Variants in TAGAP observed in about 807,000 individuals in gnomAD.
TAGAP encodes T cell activation RhoGTPase activating protein.
In TAGAP, 16 loss-of-function variants were observed where a neutral mutation model predicts 36.0. The observed-to-expected ratio is 0.44, with a 90% confidence interval of 0.30 to 0.68. TAGAP has a LOEUF of 0.68. Ranked by LOEUF, TAGAP falls within the 30% of genes least tolerant of loss-of-function variation. The pLI is 0.09. For missense variants in TAGAP, 794 were observed against 921.5 expected (o/e 0.86, Z 1.79); for synonymous variants, 372 against 377.4 (o/e 0.99, Z 0.17).
chr6:159,039,416 G>A (rs1779669705), intron 7 of TAGAP, 107 bp from the exon 8 acceptor site: 2 of 1,177,828 alleles, frequency 1.7e-6, no homozygotes, highest in Admixed American at 4.4e-5. Context: ...TGAGGAAGGT[G>A]CATTTTCACA....
In TAGAP at chr6:159,034,611, C is replaced by T. The variant is rs1290345029; in HGVS notation, c.*1216G>A. The T allele has an allele frequency of 6.6e-6, 1 of 151,982 alleles. No individual in the cohort carries two copies. Among genetic ancestry groups the T allele is most frequent in the Non-Finnish European group, 1.5e-5 (1 of 67,998 alleles). The allele number at this position is 151,982 out of a possible 1,614,324, so 9.4% of individuals were successfully genotyped here. ...CTCTAATACAGTACAAACATTTTACCATTATGTTTGCCAATAATTAAGCAA... is the reference window on the plus strand; with the variant it reads ...CTCTAATACAGTACAAACATTTTACTATTATGTTTGCCAATAATTAAGCAA... On this transcript the variant is annotated 3_prime_UTR_variant, in exon 10 of 10. Transcript: ENST00000367066.
At chr6:159,040,097 C>T (rs1389705212) in intron 7 of TAGAP, among the ~76,000 whole-genome samples, 6 of 152,218 alleles carry the variant, frequency 3.9e-5, no homozygotes, top group African/African-American at 1.4e-4. Flanking sequence ...TAGGATGTGA[C>T]AACCATGCTG....
chr6:159,041,657 T>A lies in TAGAP; in HGVS notation c.316-142A>T. 1 of 947,344 alleles carries A rather than the reference T, an allele frequency of 1.1e-6. No homozygotes were observed. The highest frequency in any genetic ancestry group is 1.5e-6 in the Non-Finnish European group (1 of 668,268). The allele number at this position is 947,344 out of a possible 1,614,324, so 58.7% of individuals were successfully genotyped here. ...GCCTTCCTCAACCCTGCTATTTTTC[T>A]AAGAGGAGGCAAATTGTGAAAGCTC... On this transcript the variant is annotated intron_variant, in intron 5 of 9. Transcript: ENST00000367066. This position sits in a 1 kb window ranked among gnomAD's most constrained non-coding sequence, Gnocchi z 4.1.
intron 1 of TAGAP, 48 bp from the exon 2 acceptor site, chr6:159,044,252 G>A: frequency 8.7e-7 from 1 of 1,149,866 alleles, no homozygotes; most frequent in African/African-American, 1.6e-5. Flanking sequence ...CACACAGTAG[G>A]CCACTTTCAG....
chr6:159,044,785 G>A (rs553940320), intron 1 of TAGAP, 94 bp downstream of exon 1: 33 of 395,598 alleles, frequency 8.3e-5, no homozygotes, highest in African/African-American at 6.4e-4. Flanking sequence ...CATATTCCAC[G>A]GGATAGCTGT....
chr6:159,044,051 A>G lies in TAGAP; in HGVS notation c.28-20T>C. ...TTTTGACTAAAAGAGAAAAAATAAA[A>G]TTAGGTAAATATCTTTTGGCCCTTG... On this transcript the variant is annotated intron_variant, in intron 2 of 9. Transcript: ENST00000367066. 2 of 1,613,652 alleles carry G rather than the reference A, an allele frequency of 1.2e-6. No individual in the cohort carries two copies. The highest frequency in any genetic ancestry group is 1.7e-6 in the Non-Finnish European group (2 of 1,179,750).
At chr6:159,040,606 C>A in intron 7 of TAGAP, 117 bp downstream of exon 7, 1 of 842,052 alleles carries the variant, frequency 1.2e-6, no homozygotes, top group Non-Finnish European at 1.9e-6. Context: ...CACTCGGATT[C>A]CCTAAACATC....
At chr6:159,043,479 A>G (rs1779826616) in intron 4 of TAGAP, 110 bp downstream of exon 4, 2 of 985,490 alleles carry the variant, frequency 2.0e-6, no homozygotes, top group South Asian at 2.6e-5. Flanking sequence ...CTTTAACAGA[A>G]CAACTTATAC....
Position 159,041,451 on chromosome 6 carries a change from T to A in TAGAP, c.380A>T (p.Asn127Ile). The change falls in exon 6 of 10, where the codon AAC becomes ATC. Residue 127 changes from asparagine (N) to isoleucine (I), a missense_variant. Physicochemically the swap from Asn to Ile is moderately radical, Grantham distance 149. Coordinates refer to ENST00000367066, the MANE Select transcript of TAGAP (RefSeq NM_054114.5). This position sits in a 1 kb window ranked among gnomAD's most constrained non-coding sequence, Gnocchi z 4.1. ...CTTCAGCTCCTTACGGGCTTTCTCG[T>A]TGGCTGCTCTCCTGAATATCCCTTC... is the stretch of plus-strand genomic sequence containing the variant. ...STEGIFRRAA[N>I]EKARKELKEE... The A allele has an allele frequency of 1.2e-6, 2 of 1,614,138 alleles. No individual in the cohort carries two copies. The highest frequency in any genetic ancestry group is 1.7e-6 in the Non-Finnish European group (2 of 1,180,002).
Position 159,040,864 on chromosome 6 carries a change from G to C in TAGAP, c.478-32C>G, listed in dbSNP as rs779550051. 19 of 1,536,504 alleles carry C rather than the reference G, an allele frequency of 1.2e-5. No homozygotes were observed. In the Admixed American group the frequency reaches 1.5e-4, roughly 12 times the overall value. ...GATGAGAGTGGGCTGTTGGCCTATT[G>C]GTACTGTATGATGTCCCATGTCCTT... On this transcript the variant is annotated intron_variant, in intron 6 of 9. Coordinates refer to ENST00000367066, the MANE Select transcript of TAGAP (RefSeq NM_054114.5).
At chr6:159,043,690 C>T (rs1044932420) in intron 3 of TAGAP, 35 bp from the exon 4 acceptor site, 3 of 1,586,128 alleles carry the variant, frequency 1.9e-6, no homozygotes, top group African/African-American at 2.7e-5. Flanking sequence ...AATATAGTGA[C>T]TGAAGAAACC....
chr6:159,041,780 C>T lies in TAGAP; in HGVS notation c.316-265G>A. On this transcript the variant is annotated intron_variant, in intron 5 of 9. Coordinates refer to ENST00000367066, the MANE Select transcript of TAGAP (RefSeq NM_054114.5). The surrounding 1 kb of genome is among the most constrained non-coding windows in gnomAD (Gnocchi z 4.1). The stretch of plus-strand genomic sequence containing the variant: ...GATCACAAAGTCTATATTCTGTTTC[C>T]CCCTTTTGACTTTTCAGAAGCTACA... The T allele has an allele frequency of 1.9e-6, 1 of 532,996 alleles. No individual in the cohort carries two copies. Among genetic ancestry groups the T allele is most frequent in the Non-Finnish European group, 3.3e-6 (1 of 306,004 alleles). The allele number at this position is 532,996 out of a possible 1,614,324, so 33.0% of individuals were successfully genotyped here. A position where few individuals can be genotyped will look rare whatever the true frequency, so the allele number is the denominator to read the frequency against.
chr6:159,036,805 C>G lies in TAGAP; in HGVS notation c.1218G>C (p.Val406=). The part of the protein sequence containing the change: ...TLTKSEGDFP[V]PRVGSRLESE... ...TTTCCAAACGAGAGCCTACCCGGGGCACGGGGAAGTCCCCTTCACTCTTTG... is the reference window on the plus strand; with the variant it reads ...TTTCCAAACGAGAGCCTACCCGGGGGACGGGGAAGTCCCCTTCACTCTTTG... Residue 406 remains valine, a synonymous_variant, in exon 10 of 10, where the codon GTG becomes GTC. Coordinates refer to ENST00000367066, the MANE Select transcript of TAGAP (RefSeq NM_054114.5). This position sits in a 1 kb window ranked among gnomAD's most constrained non-coding sequence, Gnocchi z 4.9. 1.9e-6 allele frequency: 3 copies of G among 1,614,252 alleles called. No individual in the cohort carries two copies. Among genetic ancestry groups the G allele is most frequent in the Non-Finnish European group, 2.5e-6 (3 of 1,180,040 alleles).
chr6:159,043,876 C>T, intron 3 of TAGAP, 102 bp downstream of exon 3: 1 of 1,123,408 alleles, frequency 8.9e-7, no homozygotes, highest in Non-Finnish European at 1.3e-6. Context: ...TGTTAGTTTA[C>T]TACTCTTATA....
At chr6:159,044,474 C>T (rs969453625) in intron 1 of TAGAP, among the ~76,000 whole-genome samples, 2 of 152,110 alleles carry the variant, frequency 1.3e-5, no homozygotes, top group East Asian at 1.9e-4. Context: ...CCACTCTAAA[C>T]GTTGTTACCA....
chr6:159,042,927 C>T (rs1435119138), intron 4 of TAGAP: 1 of 152,566 alleles, frequency 6.6e-6, no homozygotes, highest in Non-Finnish European at 1.5e-5. Flanking sequence ...GATATTCTGT[C>T]CTTCTGAAAT....
Position 159,037,084 on chromosome 6 carries a change from G to A in TAGAP, c.939C>T (p.Asn313=), listed in dbSNP as rs1194923027. The A allele has an allele frequency of 2.5e-6, 4 of 1,612,200 alleles. No homozygotes were observed. Among genetic ancestry groups the A allele is most frequent in the East Asian group, 2.2e-5 (1 of 44,892 alleles). The part of the protein sequence containing the change: ...TLQNDSAYDS[N]DPDVESNSSS... The stretch of plus-strand genomic sequence containing the variant: ...TGCTGTTGGATTCCACATCAGGGTC[G>A]TTGCTGTCGTAGGCTGAGTCATTCT... Residue 313 remains asparagine (N), a synonymous_variant, in exon 10 of 10, where the codon AAC becomes AAT. Coordinates refer to ENST00000367066, the MANE Select transcript of TAGAP (RefSeq NM_054114.5). The surrounding 1 kb of genome is among the most constrained non-coding windows in gnomAD (Gnocchi z 5.1).
intron 8 of TAGAP, among the ~76,000 whole-genome samples, chr6:159,038,462 C>T (rs2114788099): frequency 6.6e-6 from 1 of 151,596 alleles, no homozygotes; most frequent in East Asian, 1.9e-4. Flanking sequence ...GATCTCAGCT[C>T]ACTGCAACCT....
Position 159,037,111 on chromosome 6 carries a change from C to A in TAGAP, c.912G>T (p.Leu304=). The stretch of plus-strand genomic sequence containing the variant: ...TGCTGTCGTAGGCTGAGTCATTCTG[C>A]AGGGTCGACACATCTGGGGGAAGTC... ...EHTDSSDVST[L]QNDSAYDSND... is the part of the protein sequence containing the mutation. The change falls in exon 10 of 10, where the codon CTG becomes CTT. Residue 304 remains leucine, a synonymous_variant. Transcript: ENST00000367066. The surrounding 1 kb of genome is among the most constrained non-coding windows in gnomAD (Gnocchi z 5.1). The A allele has an allele frequency of 6.2e-7, 1 of 1,609,868 alleles. No individual in the cohort carries two copies. The highest frequency in any genetic ancestry group is 8.5e-7 in the Non-Finnish European group (1 of 1,179,760).
Sources: gnomAD v4.1 joint callset for allele counts (sites outside exome capture counted in the v4.1 genomes callset) on GRCh38, gnomAD v4.1.1 for gene constraint, Gnocchi (gnomAD v3.1) non-coding constraint, MANE v1.5 for transcripts, NCBI Gene and HGNC (gene_info 2026-07-23, HGNC 2026-07-21) for gene names.